Variants in USP42 observed in about 807,000 individuals in gnomAD.
The protein encoded by USP42 is ubiquitin specific peptidase 42.
USP42 carries 23 observed loss-of-function variants against 113.0 expected under a neutral mutation model. That is an observed-to-expected ratio of 0.20 (90% CI 0.15 to 0.29). The LOEUF (loss-of-function observed/expected upper bound fraction) is 0.29, where lower values mean the gene tolerates loss of function less well. Ranked by LOEUF, USP42 falls within the 10% of genes least tolerant of loss-of-function variation. The pLI, the probability that USP42 is intolerant of heterozygous loss-of-function variation, is 1.00. For missense variants in USP42, 2,174 were observed against 1,779.8 expected (o/e 1.22, Z -3.99); for synonymous variants, 933 against 699.0 (o/e 1.33, Z -5.28).
Position 6,154,285 on chromosome 7 carries a change from C to A in USP42, c.2731C>A (p.His911Asn). ...TGTGCTGGACATGGCCCCGGCCGGT[C>A]ACCCGGAAGGGGACGCTGAGCCTAG... is the stretch of plus-strand genomic sequence containing the variant. The part of the protein sequence containing the change: ...APVLDMAPAG[H>N]PEGDAEPSPG... The change falls in exon 15 of 18, where the codon CAC becomes AAC. Residue 911 changes from histidine (H) to asparagine (N), a missense_variant. His to Asn is a moderately conservative substitution (Grantham distance 68). Transcript: ENST00000306177. 1 of 1,592,368 alleles carries A rather than the reference C, an allele frequency of 6.3e-7. No homozygotes were observed. Among genetic ancestry groups the A allele is most frequent in the East Asian group, 2.3e-5 (1 of 43,614 alleles).
chr7:6,119,344 A>G (rs1413491423), intron 3 of USP42, among the ~76,000 whole-genome samples: 1 of 152,132 alleles, frequency 6.6e-6, no homozygotes, highest in East Asian at 1.9e-4. Flanking sequence ...TGTGGCGGCA[A>G]GCGCTAGTCC....
In USP42 at chr7:6,146,820, C is replaced by T. The variant is rs1781742892; in HGVS notation, c.1232+572C>T. On this transcript the variant is annotated intron_variant, in intron 11 of 17. Coordinates refer to ENST00000306177, the MANE Select transcript of USP42 (RefSeq NM_032172.3). ...GGTGGTGGCTGACAAGGGTGGGCTTCTGCTGCGGGCAGTAATGGAGTGGGC... is the reference window on the plus strand; with the variant it reads ...GGTGGTGGCTGACAAGGGTGGGCTTTTGCTGCGGGCAGTAATGGAGTGGGC... Among the ~76,000 whole-genome samples, 3 of 152,172 alleles carry T rather than the reference C, an allele frequency of 2.0e-5. No homozygotes were observed. In the South Asian group the frequency reaches 6.2e-4, roughly 32 times the overall value.
chr7:6,127,998 T>C (rs1780631897), intron 3 of USP42: 1 of 152,166 alleles, frequency 6.6e-6, no homozygotes, highest in Admixed American at 6.6e-5. Context: ...CATAGCTCAC[T>C]GCATCCTCAA....
chr7:6,126,306 A>G (rs1386577510), intron 3 of USP42, among the ~76,000 whole-genome samples: 2 of 138,760 alleles, frequency 1.4e-5, no homozygotes, highest in African/African-American at 2.7e-5. Context: ...TTTTTTTGAG[A>G]GGAAGTCTTG....
intron 3 of USP42, among the ~76,000 whole-genome samples, chr7:6,126,729 C>T (rs1434468534): frequency 3.3e-5 from 5 of 151,924 alleles, no homozygotes; most frequent in African/African-American, 1.2e-4. Flanking sequence ...GCAGTAAACA[C>T]ATCCGGGTTG....
Position 6,139,800 on chromosome 7 carries a change from C to T in USP42, c.657-328C>T. On this transcript the variant is annotated intron_variant, in intron 5 of 17. Coordinates refer to ENST00000306177, the MANE Select transcript of USP42 (RefSeq NM_032172.3). The surrounding 1 kb of genome is among the most constrained non-coding windows in gnomAD (Gnocchi z 4.5). ...GGAAGACTCTCTGCCTTTTCCGCCT[C>T]CGCTCCCTTTCCTCCCACACAGGCC... 2.5e-6 allele frequency: 1 copy of T among 407,980 alleles called. No homozygotes were observed. The highest frequency in any genetic ancestry group is 4.5e-6 in the Non-Finnish European group (1 of 221,690). 25.3% of individuals were successfully genotyped at this position (407,980 alleles called of 1,614,324 possible). A position where few individuals can be genotyped will look rare whatever the true frequency, so the allele number is the denominator to read the frequency against.
chr7:6,111,686 T>C, intron 2 of USP42: 1 of 186,336 alleles, frequency 5.4e-6, no homozygotes, highest in Non-Finnish European at 1.1e-5. Flanking sequence ...CACTGCAAGC[T>C]CTGCCTCCCG....
rs962131249 is a variant in USP42, at chr7:6,147,627, A to G, written c.1233-112A>G. ...CCATACTGTGTAGCATAAACATGCT[A>G]TTTTTTTCATCAGGTTTCCGCCTGA... is the stretch of plus-strand genomic sequence containing the variant. On this transcript the variant is annotated intron_variant, in intron 11 of 17. Transcript: ENST00000306177. 46 of 1,277,638 alleles carry G rather than the reference A, an allele frequency of 3.6e-5. No homozygotes were observed. In the African/African-American group the frequency reaches 6.2e-4, roughly 17 times the overall value. 79.1% of individuals were successfully genotyped at this position (1,277,638 alleles called of 1,614,324 possible). A position where few individuals can be genotyped will look rare whatever the true frequency, so the allele number is the denominator to read the frequency against.
chr7:6,128,685 A>G lies in USP42; in HGVS notation c.443-7156A>G, dbSNP rs184280950. On this transcript the variant is annotated intron_variant, in intron 3 of 17. Coordinates refer to ENST00000306177, the MANE Select transcript of USP42 (RefSeq NM_032172.3). ...ATTGATATTTTAAGACTTAAGGCTT[A>G]TTCTGCCATTTAATGTTTTGTTTTT... Among the ~76,000 whole-genome samples the G allele has an allele frequency of 9.2e-5, 14 of 151,868 alleles. 1 individual carries two copies. In the East Asian group the frequency reaches 2.5e-3, roughly 27 times the overall value.
chr7:6,123,939 G>A (rs1399131630), intron 3 of USP42, among the ~76,000 whole-genome samples: 1 of 151,186 alleles, frequency 6.6e-6, no homozygotes, highest in African/African-American at 2.4e-5. Flanking sequence ...GCACTGGCAT[G>A]ATCTTGGCTC....
At chr7:6,156,601 C>A (rs1450503146) in intron 15 of USP42, among the ~76,000 whole-genome samples, 153 bp from the exon 16 acceptor site, 1 of 151,940 alleles carries the variant, frequency 6.6e-6, no homozygotes, top group East Asian at 1.9e-4. Flanking sequence ...AGGTGTGCGC[C>A]ACCATACCTG....
At chr7:6,082,188 G>A in the USP42 span, among the ~76,000 whole-genome samples, 48 of 151,770 alleles carry the variant, frequency 3.2e-4, no homozygotes, top group African/African-American at 1.1e-3. Flanking sequence ...GAGTGCAGTG[G>A]CGCGATCTCG....
intron 7 of USP42, 96 bp from the exon 8 acceptor site, chr7:6,142,836 A>G (rs1781507177): frequency 1.7e-6 from 2 of 1,150,170 alleles, no homozygotes; most frequent in Non-Finnish European, 2.6e-6. Context: ...GTGAGCTGTG[A>G]TTGTGCCACT....
chr7:6,157,213 T>C lies in USP42; in HGVS notation c.3943+158T>C. 1 of 1,423,142 alleles carries C rather than the reference T, an allele frequency of 7.0e-7. No individual in the cohort carries two copies. Among genetic ancestry groups the C allele is most frequent in the Non-Finnish European group, 9.1e-7 (1 of 1,093,738 alleles). The allele number at this position is 1,423,142 out of a possible 1,614,324, so 88.2% of individuals were successfully genotyped here. A position where few individuals can be genotyped will look rare whatever the true frequency, so the allele number is the denominator to read the frequency against. Reference sequence around the variant, plus strand: ...CTGCCTGGTCTGGCCTCAGTGCTCATCCCTGCAGTGTGGTTCCGTTGCACA... The same window carrying C: ...CTGCCTGGTCTGGCCTCAGTGCTCACCCCTGCAGTGTGGTTCCGTTGCACA... On this transcript the variant is annotated intron_variant, in intron 16 of 17. Coordinates refer to ENST00000306177, the MANE Select transcript of USP42 (RefSeq NM_032172.3). The surrounding 1 kb of genome is among the most constrained non-coding windows in gnomAD (Gnocchi z 4.1).
At position 6,142,994 on chromosome 7, in the gene USP42, A is replaced by C. The variant is rs371505005; in HGVS notation, c.858A>C (p.Glu286Asp). ...TGAAGCCGGAACAGCTTGATGGAGA[A>C]AACTCGTACAAGTGCAGCAAGTACG... Reference protein sequence around the residue: ...QFVKPEQLDGENSYKCSKCKK... With the variant: ...QFVKPEQLDGDNSYKCSKCKK... Residue 286 changes from glutamate to aspartate, a missense_variant, in exon 8 of 18, where the codon GAA becomes GAC. Transcript: ENST00000306177. The C allele has an allele frequency of 6.8e-6, 11 of 1,613,812 alleles. No individual in the cohort carries two copies. The highest frequency in any genetic ancestry group is 9.3e-6 in the Non-Finnish European group (11 of 1,179,864).
the USP42 span, among the ~76,000 whole-genome samples, chr7:6,090,496 A>G: frequency 6.8e-6 from 1 of 146,232 alleles, no homozygotes; most frequent in Non-Finnish European, 1.5e-5. Context: ...AGGTGGATCA[A>G]CTGAGGTCAG....
intron 12 of USP42, among the ~76,000 whole-genome samples, chr7:6,148,271 A>T (rs1360440554): frequency 6.6e-6 from 1 of 152,152 alleles, no homozygotes; most frequent in Non-Finnish European, 1.5e-5. Context: ...CAGGAGGCAG[A>T]GGTTGCAGTG....
chr7:6,129,878 G>T (rs553044608), intron 3 of USP42, among the ~76,000 whole-genome samples: 11 of 149,388 alleles, frequency 7.4e-5, no homozygotes, highest in East Asian at 3.9e-4. Flanking sequence ...AAAAAAAAAG[G>T]TTTCTTTTAT....
At chr7:6,117,004 C>G in intron 3 of USP42, 1 of 393,060 alleles carries the variant, frequency 2.5e-6, no homozygotes, top group Middle Eastern at 4.1e-4. Context: ...CTTCCTCCCT[C>G]TCTTTCTCTC....
Sources: gnomAD v4.1 joint callset for allele counts (sites outside exome capture counted in the v4.1 genomes callset) on GRCh38, gnomAD v4.1.1 for gene constraint, Gnocchi (gnomAD v3.1) non-coding constraint, MANE v1.5 for transcripts, NCBI Gene and HGNC (gene_info 2026-07-23, HGNC 2026-07-21) for gene names.